The following OSBPL8 variants were observed in gnomAD, a reference collection of about 807,000 sequenced individuals.
OSBPL8 encodes the protein oxysterol binding protein like 8, also known as oxysterol-binding protein-related protein 8.
Under a neutral mutation model 125.5 loss-of-function variants are expected in OSBPL8, and 59 were observed. That is an observed-to-expected ratio of 0.47 (90% confidence interval 0.38 to 0.58). The LOEUF (loss-of-function observed/expected upper bound fraction) is 0.58, where lower values mean the gene tolerates loss of function less well. OSBPL8 is among the 20% of genes least tolerant of loss of function. The pLI, the probability that OSBPL8 is intolerant of heterozygous loss-of-function variation, is 0.00. For synonymous variants in OSBPL8, 330 were observed against 338.9 expected (o/e 0.97, Z 0.29); for missense variants, 758 against 1,047.8 (o/e 0.72, Z 3.82).
At chr12:76,356,863 T>G in intron 22 of OSBPL8, 135 bp from the exon 23 acceptor site, 1 of 558,940 alleles carries the variant, frequency 1.8e-6, no homozygotes, top group Non-Finnish European at 3.1e-6. Context: ...ATGAATACTC[T>G]GCACTTTTGA....
intron 1 of OSBPL8, among the ~76,000 whole-genome samples, chr12:76,506,768 G>GC (rs1438928542): frequency 1.7e-4 from 26 of 152,256 alleles, no homozygotes; most frequent in Admixed American, 3.9e-4. Flanking sequence ...GTGGCTGGGG[G>GC]CTTAAAGTAT....
In OSBPL8 at chr12:76,498,448, T is replaced by C. The variant is rs182386130; in HGVS notation, c.-67-10830A>G. On this transcript the variant is annotated intron_variant, in intron 1 of 23. Transcript: ENST00000261183. ...ACTTTACAAGGTGCAAGCACGCACC[T>C]CTCACACCATGTTTGCATCTGTACT... Among the ~76,000 whole-genome samples the C allele has an allele frequency of 1.5e-3, 221 of 152,342 alleles. 1 individual carries two copies. Among genetic ancestry groups the C allele is most frequent in the African/African-American group, 5.1e-3 (214 of 41,566 alleles).
chr12:76,476,975 A>C (rs1042443843), intron 2 of OSBPL8, among the ~76,000 whole-genome samples: 3 of 152,210 alleles, frequency 2.0e-5, no homozygotes, highest in African/African-American at 7.2e-5. Context: ...AAAGTCAAAA[A>C]ACTGCTGAAA....
Position 76,389,650 on chromosome 12 carries a change from T to G in OSBPL8, c.1347A>C (p.Leu449=). 6.4e-7 allele frequency: 1 copy of G among 1,563,034 alleles called. No individual in the cohort carries two copies. The highest frequency in any genetic ancestry group is 2.3e-5 in the East Asian group (1 of 43,936). ...AGAAATAAGAATCTACTTACTCAGATAGGAAATCTGCATGATAGTAGTAAT... is the reference window on the plus strand; with the variant it reads ...AGAAATAAGAATCTACTTACTCAGAGAGGAAATCTGCATGATAGTAGTAAT... ...LSDYYYHADF[L]SEAALEENPY... is the part of the protein sequence containing the mutation. Residue 449 remains leucine (L), a synonymous_variant, in exon 12 of 24, where the codon CTA becomes CTC. Coordinates refer to ENST00000261183, the MANE Select transcript of OSBPL8 (RefSeq NM_020841.5).
intron 12 of OSBPL8, among the ~76,000 whole-genome samples, chr12:76,387,804 G>T (rs1156361381): frequency 6.6e-6 from 1 of 151,806 alleles, no homozygotes; most frequent in Non-Finnish European, 1.5e-5. Flanking sequence ...TTTCCATCTT[G>T]GTTTAAATTC....
At chr12:76,548,824 T>G (rs1489630368) in intron 1 of OSBPL8, among the ~76,000 whole-genome samples, 1 of 152,132 alleles carries the variant, frequency 6.6e-6, no homozygotes, top group Non-Finnish European at 1.5e-5. Context: ...TAGTCTGTCT[T>G]TCTTAACCAT....
At chr12:76,435,003 G>A (rs1472320300) in intron 4 of OSBPL8, among the ~76,000 whole-genome samples, 1 of 152,124 alleles carries the variant, frequency 6.6e-6, no homozygotes, top group Non-Finnish European at 1.5e-5. Context: ...CCACTTCAGA[G>A]TATATATCCA....
chr12:76,356,148 G>T, intron 23 of OSBPL8, 127 bp from the exon 24 acceptor site: 1 of 319,244 alleles, frequency 3.1e-6, no homozygotes, highest in Non-Finnish European at 5.6e-6. Context: ...GGGTCATGGG[G>T]TGGTATGTAG....
At chr12:76,430,719 T>C (rs1008573187) in intron 4 of OSBPL8, among the ~76,000 whole-genome samples, 1 of 152,146 alleles carries the variant, frequency 6.6e-6, no homozygotes, top group African/African-American at 2.4e-5. Context: ...GACAGTAGAA[T>C]GATATATTCA....
chr12:76,451,159 G>T (rs889701615), intron 3 of OSBPL8, among the ~76,000 whole-genome samples, 171 bp from the exon 4 acceptor site: 2 of 152,048 alleles, frequency 1.3e-5, no homozygotes, highest in African/African-American at 4.8e-5. Flanking sequence ...ATGTTGGTTT[G>T]TTACTGATCC....
At chr12:76,383,719 T>G (rs1359611226) in intron 15 of OSBPL8, among the ~76,000 whole-genome samples, 3 of 152,228 alleles carry the variant, frequency 2.0e-5, no homozygotes, top group Non-Finnish European at 4.4e-5. Context: ...TACTGGTATA[T>G]AGCTTTGGCA....
At chr12:76,413,909 T>C (rs1040626825) in intron 4 of OSBPL8, among the ~76,000 whole-genome samples, 10 of 152,222 alleles carry the variant, frequency 6.6e-5, no homozygotes, top group Admixed American at 2.6e-4. Flanking sequence ...ATGTGGTTTC[T>C]TTTGGTGAAG....
intron 1 of OSBPL8, among the ~76,000 whole-genome samples, chr12:76,511,059 G>A (rs1019963279): frequency 1.3e-5 from 2 of 152,176 alleles, no homozygotes; most frequent in African/African-American, 4.8e-5. Flanking sequence ...ACAAAGGTAT[G>A]TACATGATGT....
chr12:76,509,991 A>G (rs986183734), intron 1 of OSBPL8, among the ~76,000 whole-genome samples: 2 of 152,234 alleles, frequency 1.3e-5, no homozygotes, highest in Non-Finnish European at 2.9e-5. Context: ...GCCTCTTCCC[A>G]AAAAACTTCG....
At position 76,502,625 on chromosome 12, in the gene OSBPL8, C is replaced by A. The variant is rs117020510; in HGVS notation, c.-67-15007G>T. ...TATGATGGGATATCTTTTAGTACTG[C>A]ATGTTCGGTGATTAAAGTCAACAGA... On this transcript the variant is annotated intron_variant, in intron 1 of 23. Coordinates refer to ENST00000261183, the MANE Select transcript of OSBPL8 (RefSeq NM_020841.5). Among the ~76,000 whole-genome samples the A allele has an allele frequency of 3.6e-3, 546 of 152,316 alleles. 3 individuals are homozygous for A. The highest frequency in any genetic ancestry group is 6.1e-3 in the Non-Finnish European group (413 of 68,024).
At chr12:76,425,675 ACTT>A (rs1170513145) in intron 4 of OSBPL8, among the ~76,000 whole-genome samples, 1 of 152,120 alleles carries the variant, frequency 6.6e-6, no homozygotes, top group East Asian at 1.9e-4. Flanking sequence ...TGCTGATAAA[ACTT>A]CTTCTCTGTT....
chr12:76,449,439 A>G (rs1873114445), intron 4 of OSBPL8, among the ~76,000 whole-genome samples: 1 of 152,220 alleles, frequency 6.6e-6, no homozygotes. Flanking sequence ...TAGTTTCATA[A>G]TACTTTTTCA....
chr12:76,380,298 A>C (rs1165670491), intron 15 of OSBPL8, among the ~76,000 whole-genome samples: 1 of 151,950 alleles, frequency 6.6e-6, no homozygotes, highest in Non-Finnish European at 1.5e-5. Context: ...ATCTTCTTTA[A>C]TTTTCCTCAG....
At chr12:76,540,730 T>C (rs1167368712) in intron 1 of OSBPL8, among the ~76,000 whole-genome samples, 1 of 150,756 alleles carries the variant, frequency 6.6e-6, no homozygotes, top group Non-Finnish European at 1.5e-5. Flanking sequence ...AAGCAGAAAA[T>C]TATCCCAAAA....
Sources: allele counts gnomAD v4.1 joint callset (sites outside exome capture counted in the v4.1 genomes callset), GRCh38; gene constraint gnomAD v4.1.1; transcripts MANE v1.5; gene names NCBI Gene and HGNC (gene_info 2026-07-23, HGNC 2026-07-21).